The following RNF4 variants were observed in gnomAD, a reference collection of about 807,000 sequenced individuals.
RNF4 encodes the protein E3 ubiquitin-protein ligase RNF4.
A neutral mutation model predicts 24.3 loss-of-function variants in RNF4; 7 were observed. The ratio of observed to expected loss-of-function variants is 0.29; its 90% CI spans 0.16 to 0.54. RNF4 has a LOEUF of 0.54. Among genes scored for constraint, RNF4 ranks in the 20% least tolerant of loss-of-function variants. RNF4 has a pLI of 0.95. For missense variants in RNF4, 209 were observed against 248.5 expected (o/e 0.84, Z 1.07); for synonymous variants, 83 against 84.3 (o/e 0.98, Z 0.09).
chr4:2,496,368 G>A (rs1735735413), intron 2 of RNF4, among the ~76,000 whole-genome samples: 2 of 152,212 alleles, frequency 1.3e-5, no homozygotes, highest in South Asian at 4.1e-4. Context: ...AAAGGGAAGA[G>A]TTTCCAGCCT....
At chr4:2,500,236 G>C (rs1735868442) in intron 3 of RNF4, among the ~76,000 whole-genome samples, 1 of 152,074 alleles carries the variant, frequency 6.6e-6, no homozygotes, top group South Asian at 2.1e-4. Context: ...TTGGTCCTTG[G>C]GCCAAGTGAG....
At chr4:2,474,547 A>G (rs1482714855) in intron 1 of RNF4, among the ~76,000 whole-genome samples, 2 of 152,192 alleles carry the variant, frequency 1.3e-5, no homozygotes, top group Non-Finnish European at 2.9e-5. Flanking sequence ...TTGAGATTAT[A>G]ACAAAGGATT....
Position 2,512,632 on chromosome 4 carries a change from C to T in RNF4, c.374+35C>T. On this transcript the variant is annotated intron_variant, in intron 6 of 7. Coordinates refer to ENST00000314289, the MANE Select transcript of RNF4 (RefSeq NM_002938.5). The surrounding 1 kb of genome is among the most constrained non-coding windows in gnomAD (Gnocchi z 4.1). Reference sequence around the variant, plus strand: ...TGCCCCCAGCTCTGCTGCCGCCATGCTAGGATGTGGGGCCAGGGCATGGGA... The same window carrying T: ...TGCCCCCAGCTCTGCTGCCGCCATGTTAGGATGTGGGGCCAGGGCATGGGA... 1 of 1,609,456 alleles carries T rather than the reference C, an allele frequency of 6.2e-7. No homozygotes were observed. Among genetic ancestry groups the T allele is most frequent in the Non-Finnish European group, 8.5e-7 (1 of 1,177,364 alleles).
At chr4:2,496,568 C>G (rs535834397) in intron 2 of RNF4, among the ~76,000 whole-genome samples, 9 of 152,304 alleles carry the variant, frequency 5.9e-5, no homozygotes, top group African/African-American at 2.2e-4. Flanking sequence ...TCAAGTGATT[C>G]TCCTGCCTCA....
At position 2,512,338 on chromosome 4, in the gene RNF4, G is replaced by T; in HGVS notation, c.215-100G>T. ...CAGCAGTTTGTCTCTGGGGGTCCCA[G>T]GCAGGGAAGGAAGAGGGTCTTAAGA... On this transcript the variant is annotated intron_variant, in intron 5 of 7. Transcript: ENST00000314289. This position sits in a 1 kb window ranked among gnomAD's most constrained non-coding sequence, Gnocchi z 4.1. 5 of 1,395,986 alleles carry T rather than the reference G, an allele frequency of 3.6e-6. No individual in the cohort carries two copies. The highest frequency in any genetic ancestry group is 5.0e-6 in the Non-Finnish European group (5 of 1,009,142). 86.5% of individuals were successfully genotyped at this position (1,395,986 alleles called of 1,614,324 possible). A position where few individuals can be genotyped will look rare whatever the true frequency, so the allele number is the denominator to read the frequency against.
intron 4 of RNF4, among the ~76,000 whole-genome samples, chr4:2,511,054 C>G (rs1463456061): frequency 6.6e-6 from 1 of 152,242 alleles, no homozygotes; most frequent in Admixed American, 6.5e-5. Context: ...AAGGCTCCAC[C>G]TTGGCAGTGG....
intron 2 of RNF4, 48 bp downstream of exon 2, chr4:2,490,550 C>A: frequency 6.3e-7 from 1 of 1,575,182 alleles, no homozygotes; most frequent in Non-Finnish European, 8.7e-7. Context: ...GGCTAATTAA[C>A]TACCTTATTC....
intron 1 of RNF4, among the ~76,000 whole-genome samples, chr4:2,478,460 C>G (rs1446960950): frequency 1.3e-5 from 2 of 152,214 alleles, no homozygotes; most frequent in African/African-American, 4.8e-5. Context: ...CCCAGATGCC[C>G]AGGAGGAAAA....
At chr4:2,513,284 G>A (rs1406982006) in intron 7 of RNF4, among the ~76,000 whole-genome samples, 153 bp downstream of exon 7, 3 of 152,170 alleles carry the variant, frequency 2.0e-5, no homozygotes, top group African/African-American at 7.2e-5. Context: ...CCTGTGAGGG[G>A]AGAATGTGCC....
rs371750712 is a variant in RNF4, at chr4:2,484,621, T to TG, written c.-157-5708dup. On this transcript the variant is annotated intron_variant, in intron 1 of 7. Transcript: ENST00000314289. ...ATTATATGTCACACTCCTGCTAGAG[T>TG]GGGGGGGGTCAATATCTGAAGTGCT... is the stretch of plus-strand genomic sequence containing the variant. Among the ~76,000 whole-genome samples, 1,305 of 147,394 alleles carry TG rather than the reference T, an allele frequency of 8.9e-3. 21 individuals are homozygous for TG. Among genetic ancestry groups the TG allele is most frequent in the African/African-American group, 0.029 (1,146 of 40,150 alleles).
intron 4 of RNF4, 78 bp downstream of exon 4, chr4:2,500,816 C>A: frequency 7.4e-7 from 1 of 1,350,816 alleles, no homozygotes; most frequent in Non-Finnish European, 1.0e-6. Flanking sequence ...CAGCCTTGGT[C>A]ACAGACTCCA....
At chr4:2,501,533 G>A (rs1196977488) in intron 4 of RNF4, among the ~76,000 whole-genome samples, 3 of 152,230 alleles carry the variant, frequency 2.0e-5, no homozygotes, top group African/African-American at 7.2e-5. Context: ...CTGGTCAGAG[G>A]ACACACGGAG....
intron 1 of RNF4, among the ~76,000 whole-genome samples, chr4:2,472,264 T>A (rs1734930219): frequency 6.6e-6 from 1 of 152,150 alleles, no homozygotes; most frequent in East Asian, 1.9e-4. Context: ...TTACAGTATG[T>A]TTTACTGAAT....
At chr4:2,483,481 T>C (rs1268836460) in intron 1 of RNF4, among the ~76,000 whole-genome samples, 1 of 152,188 alleles carries the variant, frequency 6.6e-6, no homozygotes, top group Admixed American at 6.5e-5. Context: ...TGGTTATTGA[T>C]ATGACTGAGG....
At chr4:2,505,497 T>G (rs1001866993) in intron 4 of RNF4, 3 of 151,184 alleles carry the variant, frequency 2.0e-5, no homozygotes, top group African/African-American at 4.9e-5. Context: ...GGCTAATTTT[T>G]TGTATTTTTA....
chr4:2,497,390 T>G (rs3749467), intron 3 of RNF4: 90,621 of 259,006 alleles, frequency 0.35, 17,810 homozygotes, highest in Admixed American at 0.54. Flanking sequence ...TATCTGAAAC[T>G]GCATCCCCAA....
chr4:2,510,915 C>T lies in RNF4; in HGVS notation c.205-1041C>T, dbSNP rs200695782. Among the ~76,000 whole-genome samples, 3 of 152,170 alleles carry T rather than the reference C, an allele frequency of 2.0e-5. No homozygotes were observed. The East Asian group carries it at 5.8e-4, about 29-fold the overall frequency. Reference sequence around the variant, plus strand: ...TGAGAGGCTTGTCAGGTTCTTAGGCCCCCAGGACAGAGAATTGGATTGTGT... The same window carrying T: ...TGAGAGGCTTGTCAGGTTCTTAGGCTCCCAGGACAGAGAATTGGATTGTGT... On this transcript the variant is annotated intron_variant, in intron 4 of 7. Transcript: ENST00000314289.
Position 2,512,430 on chromosome 4 carries a change from T to TAA in RNF4, c.215-7_215-6insAA. On this transcript the variant is annotated splice_region_variant and splice_polypyrimidine_tract_variant and intron_variant, in intron 5 of 7. Transcript: ENST00000314289. The surrounding 1 kb of genome is among the most constrained non-coding windows in gnomAD (Gnocchi z 4.1). ...CCTCCAACCTGAAAATGTGACCTCT[T>TAA]ACCTTAGAAAGAAGAAGACCAAGGA... The TAA allele has an allele frequency of 6.2e-7, 1 of 1,604,114 alleles. No homozygotes were observed. The highest frequency in any genetic ancestry group is 8.5e-7 in the Non-Finnish European group (1 of 1,175,388).
intron 1 of RNF4, among the ~76,000 whole-genome samples, chr4:2,483,804 A>C (rs1288972352): frequency 6.7e-6 from 1 of 150,210 alleles, no homozygotes; most frequent in African/African-American, 2.5e-5. Context: ...ACTGTGTCTC[A>C]AAAAAAAATT....
Sources: gnomAD v4.1 joint callset for allele counts (sites outside exome capture counted in the v4.1 genomes callset) on GRCh38, gnomAD v4.1.1 for gene constraint, Gnocchi (gnomAD v3.1) non-coding constraint, MANE v1.5 for transcripts, NCBI Gene and HGNC (gene_info 2026-07-23, HGNC 2026-07-21) for gene names.